The following KALRN variants were observed in gnomAD, a reference collection of about 807,000 sequenced individuals.
KALRN encodes the protein kalirin.
A neutral mutation model predicts 353.7 loss-of-function variants in KALRN; 70 were observed. The observed-to-expected ratio is 0.20, with a 90% confidence interval of 0.16 to 0.24. The LOEUF is 0.24. KALRN is among the 10% of genes least tolerant of loss of function. The pLI is 1.00. For synonymous variants in KALRN, 1,391 were observed against 1,434.8 expected, an observed-to-expected ratio of 0.97 and a Z score of 0.69; for missense variants, 2,791 against 3,756.7, an observed-to-expected ratio of 0.74 and a Z score of 6.72.
chr3:124,487,120 A>C (rs747184681), intron 28 of KALRN, among the ~76,000 whole-genome samples: 41 of 152,176 alleles, frequency 2.7e-4, no homozygotes, highest in Non-Finnish European at 5.3e-4. Context: ...AGGAGAGAGT[A>C]TGGTTTGCAG....
At chr3:124,573,061 G>A (rs1037481102) in intron 34 of KALRN, among the ~76,000 whole-genome samples, 16 of 151,968 alleles carry the variant, frequency 1.1e-4, no homozygotes, top group Admixed American at 9.8e-4. Flanking sequence ...GGGGTGGAAG[G>A]CCTGAGTCTG....
At chr3:124,216,083 T>C (rs1261309337) in intron 1 of KALRN, among the ~76,000 whole-genome samples, 1 of 152,206 alleles carries the variant, frequency 6.6e-6, no homozygotes, top group Non-Finnish European at 1.5e-5. Flanking sequence ...CCTCAGTTCT[T>C]CCAGCTCTTA....
At chr3:124,656,891 G>A (rs2084117494) in intron 39 of KALRN, among the ~76,000 whole-genome samples, 1 of 152,134 alleles carries the variant, frequency 6.6e-6, no homozygotes, top group African/African-American at 2.4e-5. Context: ...CCCAGGAGTA[G>A]AGGACGAGGG....
At chr3:124,411,682 G>A (rs1360579383) in intron 13 of KALRN, among the ~76,000 whole-genome samples, 2 of 152,044 alleles carry the variant, frequency 1.3e-5, no homozygotes, top group African/African-American at 2.4e-5. Context: ...CTGGCCTCAA[G>A]TGATCCTCCC....
At chr3:124,622,589 C>T (rs2079400615) in intron 34 of KALRN, among the ~76,000 whole-genome samples, 1 of 152,154 alleles carries the variant, frequency 6.6e-6, no homozygotes, top group African/African-American at 2.4e-5. Flanking sequence ...GCCTCGGATG[C>T]CACCTGCACA....
intron 34 of KALRN, chr3:124,584,606 G>A (rs1311517853): frequency 1.2e-5 from 17 of 1,393,524 alleles, no homozygotes; most frequent in Non-Finnish European, 1.3e-5. Context: ...TTGGAACTCC[G>A]CCCCTTAGGC....
chr3:124,330,241 C>CTG (rs1331905659), intron 8 of KALRN, among the ~76,000 whole-genome samples: 3 of 111,816 alleles, frequency 2.7e-5, no homozygotes, highest in Admixed American at 9.8e-5. Context: ...CTCTCTCTCT[C>CTG]TCTCTCACAC....
In KALRN at chr3:124,185,143, G is replaced by A. The variant is rs184882829; in HGVS notation, c.74-42847G>A. On this transcript the variant is annotated intron_variant, in intron 1 of 59. Coordinates refer to ENST00000682506, the MANE Select transcript of KALRN (RefSeq NM_001388419.1). ...TGATTCTCCTACCTCAGCCTCCCAA[G>A]TAGCTGGGACTACATGTTCATGCCA... Among the ~76,000 whole-genome samples, 12 of 152,256 alleles carry A rather than the reference G, an allele frequency of 7.9e-5. No individual in the cohort carries two copies. The East Asian group carries it at 1.5e-3, about 20-fold the overall frequency.
chr3:124,328,476 C>T (rs1214236171), intron 7 of KALRN, among the ~76,000 whole-genome samples: 2 of 152,112 alleles, frequency 1.3e-5, no homozygotes, highest in Non-Finnish European at 2.9e-5. Flanking sequence ...AAGGAGTGTT[C>T]CCCCCATGAT....
intron 11 of KALRN, among the ~76,000 whole-genome samples, chr3:124,391,045 G>T (rs917438031): frequency 6.6e-6 from 1 of 152,088 alleles, no homozygotes; most frequent in Non-Finnish European, 1.5e-5. Context: ...TCTCAAATTG[G>T]ACCCATTCTT....
At position 124,618,086 on chromosome 3, in the gene KALRN, C is replaced by CTTTT. The variant is rs71145464; in HGVS notation, c.5183-14297_5183-14294dup. On this transcript the variant is annotated intron_variant, in intron 34 of 59. Transcript: ENST00000682506. ...GGAAAGAAAATACCAGTGCAGAAAT[C>CTTTT]TTTTTTTTTTTTTTTTTTTTTTTTT... Among the ~76,000 whole-genome samples, 73 of 63,350 alleles carry CTTTT rather than the reference C, an allele frequency of 1.2e-3. 8 individuals are homozygous for CTTTT. The highest frequency in any genetic ancestry group is 1.6e-3 in the Non-Finnish European group (58 of 36,062). 41.6% of individuals were successfully genotyped at this position (63,350 alleles called of 152,430 possible). A position where few individuals can be genotyped will look rare whatever the true frequency, so the allele number is the denominator to read the frequency against.
intron 10 of KALRN, among the ~76,000 whole-genome samples, chr3:124,368,302 A>G (rs1400741735): frequency 7.2e-6 from 1 of 139,450 alleles, no homozygotes; most frequent in Non-Finnish European, 1.5e-5. Flanking sequence ...CTCACTTCCC[A>G]GATGGGGTGG....
In KALRN at chr3:124,725,056, C is replaced by A. The variant is rs898118805; in HGVS notation, c.*5586C>A. 6.6e-6 allele frequency: 1 copy of A among 152,164 alleles called. No homozygotes were observed. Among genetic ancestry groups the A allele is most frequent in the Non-Finnish European group, 1.5e-5 (1 of 68,010 alleles). The allele number at this position is 152,164 out of a possible 1,614,324, so 9.4% of individuals were successfully genotyped here. Reference sequence around the variant, plus strand: ...AATGCAAATAACAATTCTTGGAATGCCAACTCCTGAGGCTTAGTTTAACCA... The same window carrying A: ...AATGCAAATAACAATTCTTGGAATGACAACTCCTGAGGCTTAGTTTAACCA... On this transcript the variant is annotated 3_prime_UTR_variant, in exon 60 of 60. Coordinates refer to ENST00000682506, the MANE Select transcript of KALRN (RefSeq NM_001388419.1).
At chr3:124,550,169 G>A (rs1358395709) in intron 33 of KALRN, among the ~76,000 whole-genome samples, 1 of 152,170 alleles carries the variant, frequency 6.6e-6, no homozygotes, top group East Asian at 1.9e-4. Flanking sequence ...AGGACTAAGT[G>A]ATAGATCAGA....
At chr3:124,135,997 C>T (rs1189239144) in intron 1 of KALRN, among the ~76,000 whole-genome samples, 1 of 152,176 alleles carries the variant, frequency 6.6e-6, no homozygotes, top group Non-Finnish European at 1.5e-5. Context: ...TCCTCATCTC[C>T]TTACTGCAGG....
chr3:124,306,429 A>G (rs1209712599), intron 6 of KALRN, among the ~76,000 whole-genome samples: 2 of 145,446 alleles, frequency 1.4e-5, no homozygotes, highest in African/African-American at 4.8e-5. Flanking sequence ...AATAGAAATT[A>G]TGCAATATGA....
chr3:124,443,454 C>T (rs934409308), intron 19 of KALRN, among the ~76,000 whole-genome samples: 9 of 152,154 alleles, frequency 5.9e-5, no homozygotes, highest in Admixed American at 5.2e-4. Flanking sequence ...AGAACAGAGA[C>T]CACTGGAAAG....
chr3:124,146,863 C>T (rs1164728555), intron 1 of KALRN, among the ~76,000 whole-genome samples: 4 of 77,838 alleles, frequency 5.1e-5, no homozygotes, highest in Non-Finnish European at 7.3e-5. Flanking sequence ...GGCAATAGAG[C>T]GACTCTGTCT....
At chr3:124,516,425 T>C (rs1048561296) in intron 33 of KALRN, among the ~76,000 whole-genome samples, 4 of 152,284 alleles carry the variant, frequency 2.6e-5, no homozygotes, top group African/African-American at 9.6e-5. Flanking sequence ...TCATGTGAAA[T>C]GATGCATGTG....
Sources: gnomAD v4.1 joint callset for allele counts (sites outside exome capture counted in the v4.1 genomes callset) on GRCh38, gnomAD v4.1.1 for gene constraint, MANE v1.5 for transcripts, NCBI Gene and HGNC (gene_info 2026-07-23, HGNC 2026-07-21) for gene names.